The following NSMCE2 variants were observed in gnomAD, a reference collection of about 807,000 sequenced individuals.
NSMCE2 encodes the protein NSE2 SUMO ligase component of SMC5/6 complex.
A neutral mutation model predicts 23.8 loss-of-function variants in NSMCE2; 24 were observed. The ratio of observed to expected loss-of-function variants is 1.01; its 90% CI spans 0.73 to 1.42. The LOEUF (loss-of-function observed/expected upper bound fraction) is 1.42. Among genes scored for constraint, NSMCE2 ranks in the 40% most tolerant of loss-of-function variants. The pLI, the probability that NSMCE2 is intolerant of heterozygous loss-of-function variation, is 0.00. For synonymous variants in NSMCE2, 92 were observed against 94.1 expected, an observed-to-expected ratio of 0.98 and a Z score of 0.13; for missense variants, 284 against 296.5, an observed-to-expected ratio of 0.96 and a Z score of 0.31.
intron 5 of NSMCE2, among the ~76,000 whole-genome samples, chr8:125,278,657 G>A (rs1405512449): frequency 6.6e-6 from 1 of 152,076 alleles, no homozygotes; most frequent in Non-Finnish European, 1.5e-5. Context: ...TAGATTTTTG[G>A]TATGCTTTTG....
At chr8:125,286,311 ATTTATTT>A (rs1827894138) in intron 5 of NSMCE2, among the ~76,000 whole-genome samples, 1 of 98,932 alleles carries the variant, frequency 1.0e-5, no homozygotes, top group African/African-American at 3.0e-5. Flanking sequence ...AATACCTTTT[ATTTATTT>A]TTTTTTTTTT....
intron 5 of NSMCE2, among the ~76,000 whole-genome samples, chr8:125,331,724 C>A (rs186979077): frequency 3.9e-5 from 6 of 152,268 alleles, no homozygotes; most frequent in African/African-American, 1.4e-4. Context: ...GAACCCAAAT[C>A]CCCTGCAAGG....
At chr8:125,168,063 C>T (rs1422458929) in intron 4 of NSMCE2, among the ~76,000 whole-genome samples, 1 of 152,118 alleles carries the variant, frequency 6.6e-6, no homozygotes, top group Non-Finnish European at 1.5e-5. Flanking sequence ...ATTTCAAAAC[C>T]TGTTGGAAGA....
chr8:125,156,022 G>A (rs1222385567), intron 4 of NSMCE2: 2 of 446,318 alleles, frequency 4.5e-6, no homozygotes, highest in Admixed American at 2.4e-5. Context: ...GCGCACGCCT[G>A]TAGTTCCAGC....
chr8:125,112,022 T>C (rs1422367921), intron 3 of NSMCE2, among the ~76,000 whole-genome samples: 3 of 152,142 alleles, frequency 2.0e-5, no homozygotes, highest in Non-Finnish European at 4.4e-5. Context: ...TCATAATTAT[T>C]GAATAGAAGG....
chr8:125,230,650 G>T (rs918868929), intron 5 of NSMCE2, among the ~76,000 whole-genome samples: 1 of 152,094 alleles, frequency 6.6e-6, no homozygotes, highest in East Asian at 1.9e-4. Flanking sequence ...TAAGCTAATC[G>T]TATGCCAATG....
intron 5 of NSMCE2, among the ~76,000 whole-genome samples, chr8:125,239,115 G>C (rs571555705): frequency 1.3e-5 from 2 of 152,006 alleles, no homozygotes; most frequent in African/African-American, 2.4e-5. Context: ...ATCCCATTTG[G>C]CAAGGTTGGT....
chr8:125,327,823 A>G (rs187757797), intron 5 of NSMCE2, among the ~76,000 whole-genome samples: 126 of 152,298 alleles, frequency 8.3e-4, no homozygotes, highest in Admixed American at 1.6e-3. Flanking sequence ...GTATTAGGTA[A>G]CTAATTACCA....
intron 5 of NSMCE2, among the ~76,000 whole-genome samples, chr8:125,201,293 C>T (rs1041648558): frequency 1.3e-5 from 2 of 152,190 alleles, no homozygotes; most frequent in Non-Finnish European, 2.9e-5. Flanking sequence ...CTGGTTTCTC[C>T]CCATCTTTTT....
At chr8:125,289,836 C>G (rs1293311470) in intron 5 of NSMCE2, among the ~76,000 whole-genome samples, 1 of 152,198 alleles carries the variant, frequency 6.6e-6, no homozygotes, top group Non-Finnish European at 1.5e-5. Context: ...ATCACACTAG[C>G]TGATCAACTA....
At chr8:125,181,451 C>T (rs1822803130) in intron 4 of NSMCE2, among the ~76,000 whole-genome samples, 1 of 152,052 alleles carries the variant, frequency 6.6e-6, no homozygotes, top group Non-Finnish European at 1.5e-5. Flanking sequence ...ATTGTGGCAC[C>T]TAGGAAGTAG....
At chr8:125,115,923 A>G (rs990908868) in intron 3 of NSMCE2, among the ~76,000 whole-genome samples, 12 of 152,190 alleles carry the variant, frequency 7.9e-5, no homozygotes, top group Non-Finnish European at 1.5e-4. Flanking sequence ...AAAGAGGTCA[A>G]TATCCTCATC....
rs73704564 is a variant in NSMCE2 at position 125,258,441 on chromosome 8, C to A, written c.418+76185C>A. On this transcript the variant is annotated intron_variant, in intron 5 of 7. Transcript: ENST00000287437. ...TTTTATTCAAGGGAATGCCCCACCC[C>A]TATCCCATTCACCCCCGCTCCCCCC... 9.3e-4 allele frequency among the ~76,000 whole-genome samples: 142 copies of A among 152,230 alleles called. 2 individuals carry two copies. The highest frequency in any genetic ancestry group is 3.4e-3 in the Middle Eastern group (1 of 294).
intron 5 of NSMCE2, among the ~76,000 whole-genome samples, chr8:125,326,399 ATGTG>A (rs1018542298): frequency 6.6e-6 from 1 of 151,906 alleles, no homozygotes; most frequent in Non-Finnish European, 1.5e-5. Flanking sequence ...CATTATATAT[ATGTG>A]TGTGTGTGTA....
At chr8:125,105,270 G>A (rs1395521718) in intron 3 of NSMCE2, among the ~76,000 whole-genome samples, 1 of 152,160 alleles carries the variant, frequency 6.6e-6, no homozygotes, top group Non-Finnish European at 1.5e-5. Context: ...GCCTCCAAAT[G>A]TTTTAACCCT....
intron 7 of NSMCE2, among the ~76,000 whole-genome samples, chr8:125,362,652 G>A (rs996584171): frequency 6.6e-6 from 1 of 152,218 alleles, no homozygotes; most frequent in African/African-American, 2.4e-5. Context: ...CACTTACCCA[G>A]AGTGACACAG....
At chr8:125,321,400 T>C (rs11777625) in intron 5 of NSMCE2, among the ~76,000 whole-genome samples, 66,940 of 152,070 alleles carry the variant, frequency 0.44, 17,030 homozygotes, top group East Asian at 0.55. Context: ...TATACTGTTT[T>C]AAGGCTCTTA....
intron 5 of NSMCE2, among the ~76,000 whole-genome samples, chr8:125,213,548 TCCCCTCCCCCTTTCCCCTC>T: frequency 2.0e-5 from 1 of 50,854 alleles, no homozygotes; most frequent in South Asian, 8.1e-4. Context: ...TCCCCTCCAC[TCCCCTCCCCCTTTCCCCTC>T]CCCCTCCCCT....
chr8:125,354,531 G>A (rs1813172231), intron 5 of NSMCE2, among the ~76,000 whole-genome samples: 1 of 152,134 alleles, frequency 6.6e-6, no homozygotes, highest in African/African-American at 2.4e-5. Context: ...TGGTTTTTAA[G>A]GTCTCAGACG....
Sources: gnomAD v4.1 joint callset for allele counts (sites outside exome capture counted in the v4.1 genomes callset) on GRCh38, gnomAD v4.1.1 for gene constraint, MANE v1.5 for transcripts, NCBI Gene and HGNC (gene_info 2026-07-23, HGNC 2026-07-21) for gene names.